Variants in DMC1 observed in about 807,000 individuals in gnomAD.
DMC1 encodes the protein DNA meiotic recombinase 1.
In DMC1, 27 loss-of-function variants were observed where a neutral mutation model predicts 50.1. The ratio of observed to expected loss-of-function variants is 0.54; its 90% CI spans 0.40 to 0.74. DMC1 has a LOEUF of 0.74. Among genes scored for constraint, DMC1 ranks in the 30% least tolerant of loss-of-function variants. The pLI is 0.00. For missense variants in DMC1, 295 were observed against 420.2 expected (o/e 0.70, Z 2.60); for synonymous variants, 148 against 136.1 (o/e 1.09, Z -0.61).
chr22:38,519,443 G>C lies in DMC1; in HGVS notation c.*577C>G, dbSNP rs2090000092. On this transcript the variant is annotated 3_prime_UTR_variant, in exon 14 of 14. Transcript: ENST00000216024. Reference sequence around the variant, plus strand: ...TGGCTTAATTTAATGTCTGTTTTCTGTTGCTATAAAGGTGAATATGCAGTT... The same window carrying C: ...TGGCTTAATTTAATGTCTGTTTTCTCTTGCTATAAAGGTGAATATGCAGTT... 1 of 152,510 alleles carries C rather than the reference G, an allele frequency of 6.6e-6. No homozygotes were observed. Among genetic ancestry groups the C allele is most frequent in the Non-Finnish European group, 1.5e-5 (1 of 68,336 alleles). The allele number at this position is 152,510 out of a possible 1,614,324, so 9.4% of individuals were successfully genotyped here. A position where few individuals can be genotyped will look rare whatever the true frequency, so the allele number is the denominator to read the frequency against.
At chr22:38,557,262 T>C (rs918721920) in intron 5 of DMC1, among the ~76,000 whole-genome samples, 1 of 152,160 alleles carries the variant, frequency 6.6e-6, no homozygotes, top group Non-Finnish European at 1.5e-5. Context: ...AATTTACCTG[T>C]GAGGATACCC....
intron 8 of DMC1, 153 bp downstream of exon 8, chr22:38,549,772 G>C: frequency 1.6e-6 from 1 of 629,986 alleles, no homozygotes; most frequent in Non-Finnish European, 2.8e-6. Context: ...AAAGTGATTG[G>C]AGAACTTAAA....
chr22:38,525,062 AAAAT>A (rs202198897), intron 12 of DMC1, among the ~76,000 whole-genome samples: 1 of 152,136 alleles, frequency 6.6e-6, no homozygotes, highest in African/African-American at 2.4e-5. Flanking sequence ...ACTACGTCTC[AAAAT>A]AAATAAATAA....
At chr22:38,567,359 C>T (rs1199187649) in intron 3 of DMC1, among the ~76,000 whole-genome samples, 1 of 152,202 alleles carries the variant, frequency 6.6e-6, no homozygotes, top group African/African-American at 2.4e-5. Flanking sequence ...TTAATTTTGT[C>T]CTCTGGATAC....
intron 12 of DMC1, among the ~76,000 whole-genome samples, chr22:38,530,700 G>A (rs2090143573): frequency 6.6e-6 from 1 of 152,148 alleles, no homozygotes; most frequent in Admixed American, 6.5e-5. Context: ...AGGTCACTAT[G>A]CTAGTGACCC....
intron 12 of DMC1, among the ~76,000 whole-genome samples, chr22:38,528,334 G>T (rs1355300917): frequency 2.0e-5 from 3 of 151,802 alleles, no homozygotes; most frequent in Non-Finnish European, 4.4e-5. Context: ...AAAGTGTTGG[G>T]ATTACAGGTG....
intron 6 of DMC1, among the ~76,000 whole-genome samples, 169 bp downstream of exon 6, chr22:38,555,188 G>C (rs561352976): frequency 4.6e-5 from 7 of 151,722 alleles, no homozygotes; most frequent in Admixed American, 3.9e-4. Flanking sequence ...ATATATTTTC[G>C]TTGCAGTACA....
rs138352828 is a variant in DMC1 at position 38,538,350 on chromosome 22, G to A, written c.720C>T (p.Ala240=). 114 of 1,613,830 alleles carry A rather than the reference G, an allele frequency of 7.1e-5. No individual in the cohort carries two copies. The African/African-American group carries it at 1.4e-3, about 20-fold the overall frequency. The change falls in exon 11 of 14, where the codon GCC becomes GCT. Residue 240 remains alanine, a synonymous_variant. Coordinates refer to ENST00000216024, the MANE Select transcript of DMC1 (RefSeq NM_007068.4). ...TCTGGGCCAATTTTTGCTGCCGTTC[G>A]GCCAACTCCCCACGGCCACTGAAAT... ...RVDFSGRGEL[A]ERQQKLAQML...
Position 38,539,331 on chromosome 22 carries a change from A to G in DMC1, c.576T>C (p.Arg192=), listed in dbSNP as rs768959084. The G allele has an allele frequency of 1.1e-5, 18 of 1,613,412 alleles. No individual in the cohort carries two copies. Among genetic ancestry groups the G allele is most frequent in the Non-Finnish European group, 8.5e-7 (1 of 1,179,486 alleles). ...DAVLDNVLYA[R]AYTSEHQMEL... is the part of the protein sequence containing the mutation. Reference sequence around the variant, plus strand: ...GCATGGGGCTCTTACTAGTATATGCACGTGCATAAAGTACGTTGTCCAGTA... The same window carrying G: ...GCATGGGGCTCTTACTAGTATATGCGCGTGCATAAAGTACGTTGTCCAGTA... The change falls in exon 9 of 14, where the codon CGT becomes CGC. Residue 192 remains arginine, a synonymous_variant. Transcript: ENST00000216024.
At chr22:38,533,370 T>G (rs1165017210) in intron 12 of DMC1, among the ~76,000 whole-genome samples, 1 of 128,870 alleles carries the variant, frequency 7.8e-6, no homozygotes, top group Non-Finnish European at 1.5e-5. Context: ...CACTTCAGCC[T>G]GAGTGACAGA....
chr22:38,539,793 C>A (rs2090260668), intron 8 of DMC1, among the ~76,000 whole-genome samples: 1 of 152,234 alleles, frequency 6.6e-6, no homozygotes, highest in East Asian at 1.9e-4. Context: ...AAGAGAAAAA[C>A]TAGGAACTAA....
At position 38,519,001 on chromosome 22, in the gene DMC1, C is replaced by T. The variant is rs11570436; in HGVS notation, c.*1019G>A. On this transcript the variant is annotated 3_prime_UTR_variant, in exon 14 of 14. Coordinates refer to ENST00000216024, the MANE Select transcript of DMC1 (RefSeq NM_007068.4). ...TTAACAATCAAAATAATATCTTTTA[C>T]ACATTTCTAAGATTAGTATTCAGAA... The T allele has an allele frequency of 6.4e-3, 974 of 152,330 alleles. 8 individuals are homozygous for T. Among genetic ancestry groups the T allele is most frequent in the Non-Finnish European group, 0.01 (708 of 67,964 alleles). 9.4% of individuals were successfully genotyped at this position (152,330 alleles called of 1,614,324 possible). A position where few individuals can be genotyped will look rare whatever the true frequency, so the allele number is the denominator to read the frequency against.
intron 7 of DMC1, 54 bp from the exon 8 acceptor site, chr22:38,550,051 T>C: frequency 7.7e-7 from 1 of 1,301,300 alleles, no homozygotes; most frequent in Non-Finnish European, 1.1e-6. Flanking sequence ...TTTGTACACA[T>C]GACTATATAA....
At chr22:38,544,773 G>A (rs1014158309) in intron 8 of DMC1, among the ~76,000 whole-genome samples, 4 of 144,174 alleles carry the variant, frequency 2.8e-5, no homozygotes, top group Admixed American at 7.3e-5. Flanking sequence ...CTACAGGCAC[G>A]TGCCACCATG....
At chr22:38,550,479 A>G (rs911025738) in intron 7 of DMC1, among the ~76,000 whole-genome samples, 1 of 151,144 alleles carries the variant, frequency 6.6e-6, no homozygotes, top group Non-Finnish European at 1.5e-5. Context: ...ACACCCAGCT[A>G]ATTTTTATAC....
rs189566545 is a variant in DMC1 at position 38,520,125 on chromosome 22, G to A, written c.954-36C>T. The A allele has an allele frequency of 1.2e-5, 19 of 1,530,784 alleles. No individual in the cohort carries two copies. In the East Asian group the frequency reaches 2.0e-4, roughly 16 times the overall value. 94.8% of individuals were successfully genotyped at this position (1,530,784 alleles called of 1,614,324 possible). A position where few individuals can be genotyped will look rare whatever the true frequency, so the allele number is the denominator to read the frequency against. ...ACAAGGGAACAGAAGTTTATAAAAA[G>A]CTCTATTTCTATAAATACTATATTC... On this transcript the variant is annotated intron_variant, in intron 13 of 13. Coordinates refer to ENST00000216024, the MANE Select transcript of DMC1 (RefSeq NM_007068.4).
chr22:38,550,138 T>C (rs1317613416), intron 7 of DMC1, 141 bp from the exon 8 acceptor site: 2 of 650,846 alleles, frequency 3.1e-6, no homozygotes, highest in African/African-American at 3.7e-5. Flanking sequence ...CTAAACAACA[T>C]GTTATATTTT....
downstream of DMC1, among the ~76,000 whole-genome samples, chr22:38,513,954 G>C (rs989050680): frequency 2.0e-5 from 3 of 152,178 alleles, no homozygotes; most frequent in Non-Finnish European, 4.4e-5. Flanking sequence ...CAGTAACTTG[G>C]CTACTGTGTG....
rs766582513 is a variant in DMC1, at chr22:38,538,425, G to A, written c.661-16C>T. On this transcript the variant is annotated splice_polypyrimidine_tract_variant and intron_variant, in intron 10 of 13. Transcript: ENST00000216024. ...AATCGATAATCTACACAGGATTAAT[G>A]TAAAAATAAACATGCATTTGGAAAT... 14 of 1,612,408 alleles carry A rather than the reference G, an allele frequency of 8.7e-6. No individual in the cohort carries two copies. The East Asian group carries it at 2.5e-4, about 28-fold the overall frequency.
Sources: allele counts gnomAD v4.1 joint callset (sites outside exome capture counted in the v4.1 genomes callset), GRCh38; gene constraint gnomAD v4.1.1; transcripts MANE v1.5; gene names NCBI Gene and HGNC (gene_info 2026-07-23, HGNC 2026-07-21).